BNC1: variants seen among roughly 807,000 people sequenced by gnomAD.
BNC1 encodes zinc finger protein basonuclin-1.
In BNC1, 8 loss-of-function variants were observed where a neutral mutation model predicts 66.5. The observed-to-expected ratio is 0.12, with a 90% CI of 0.07 to 0.22. The LOEUF is 0.22. BNC1 is among the 10% of genes least tolerant of loss of function. The probability of loss-of-function intolerance (pLI) is 1.00; values close to 1 mark genes in which losing one functional copy is unlikely to be tolerated. For synonymous variants in BNC1, 454 were observed against 452.6 expected (o/e 1.00, Z -0.04); for missense variants, 1,069 against 1,241.3 (o/e 0.86, Z 2.09).
In BNC1 at chr15:83,263,527, T is replaced by A. The variant is rs192538302; in HGVS notation, c.1724A>T (p.Asp575Val). The stretch of plus-strand genomic sequence containing the variant: ...CTGAGGACTGCAGGCCTCCTGCTCA[T>A]CTTCACTGACCACCTGTAGGGGCAT... ...EDMPLQVVSE[D>V]EQEACSPQSH... is the part of the protein sequence containing the mutation. Residue 575 changes from aspartate (D) to valine (V), a missense_variant, in exon 4 of 5, where the codon GAT (aspartate) becomes GTT (valine). Transcript: ENST00000345382. 4.5e-5 allele frequency: 72 copies of A among 1,614,272 alleles called. No homozygotes were observed. In the East Asian group the frequency reaches 1.5e-3, roughly 34 times the overall value.
At chr15:83,282,055 G>A (rs546891472) in intron 1 of BNC1, among the ~76,000 whole-genome samples, 4 of 152,310 alleles carry the variant, frequency 2.6e-5, no homozygotes, top group Non-Finnish European at 4.4e-5. Flanking sequence ...GGTATCAATG[G>A]CCAAAGAACT....
Position 83,284,612 on chromosome 15 carries a change from G to C in BNC1, c.17C>G (p.Pro6Arg), listed in dbSNP as rs1459899660. The change falls in exon 1 of 5, where the codon CCG (proline) becomes CGG (arginine). Residue 6 changes from proline (P) to arginine (R), a missense_variant. By Grantham distance (103) the Pro-to-Arg change is moderately radical (BLOSUM62 -2). Transcript: ENST00000345382. MRRRPPSRGGRGAARA... is the reference protein window; with the variant it reads MRRRPRSRGGRGAARA... ...GGCCGCCCCGCGTCCGCCCCGGCTC[G>C]GCGGGCGCCGCCGCATCCACGCTCC... The C allele has an allele frequency of 1.0e-6, 1 of 1,002,174 alleles. No homozygotes were observed. Among genetic ancestry groups the C allele is most frequent in the South Asian group, 4.5e-5 (1 of 22,208 alleles). 62.1% of individuals were successfully genotyped at this position (1,002,174 alleles called of 1,614,324 possible).
rs1371564912 is a variant in BNC1, at chr15:83,263,503, T to C, written c.1748A>G (p.Gln583Arg). ...SEDEQEACSPQSHRVSEEQHV... is the reference protein window; with the variant it reads ...SEDEQEACSPRSHRVSEEQHV... Reference sequence around the variant, plus strand: ...CTGCTCCTCAGATACTCTGTGTGACTGAGGACTGCAGGCCTCCTGCTCATC... The same window carrying C: ...CTGCTCCTCAGATACTCTGTGTGACCGAGGACTGCAGGCCTCCTGCTCATC... Residue 583 changes from glutamine to arginine, a missense_variant, in exon 4 of 5, where the codon CAG becomes CGG. Physicochemically the swap from Gln to Arg is conservative, Grantham distance 43 (BLOSUM62 1). Around this residue, in one of 7 missense-constraint regions of BNC1, gnomAD observed 657 missense variants for 715.8 expected, o/e 0.92. Coordinates refer to ENST00000345382, the MANE Select transcript of BNC1 (RefSeq NM_001717.4). The C allele has an allele frequency of 6.2e-7, 1 of 1,614,156 alleles. No individual in the cohort carries two copies. Among genetic ancestry groups the C allele is most frequent in the African/African-American group, 1.3e-5 (1 of 74,952 alleles).
chr15:83,260,856 G>A (rs750734025), intron 4 of BNC1, among the ~76,000 whole-genome samples: 1 of 152,184 alleles, frequency 6.6e-6, no homozygotes, highest in Non-Finnish European at 1.5e-5. Flanking sequence ...GTCTGGGCCT[G>A]CCCACAAAGT....
intron 4 of BNC1, among the ~76,000 whole-genome samples, chr15:83,261,543 A>G (rs2038140355): frequency 1.3e-5 from 2 of 152,330 alleles, no homozygotes; most frequent in South Asian, 4.1e-4. Context: ...GATCTTTTCC[A>G]TAAGCCTCCT....
At chr15:83,259,532 C>T (rs546294544) in intron 4 of BNC1, among the ~76,000 whole-genome samples, 1 of 152,192 alleles carries the variant, frequency 6.6e-6, no homozygotes, top group African/African-American at 2.4e-5. Flanking sequence ...ACCCACTTTG[C>T]AAGCAGCCCT....
chr15:83,278,084 C>T (rs1284533659), intron 1 of BNC1, among the ~76,000 whole-genome samples: 2 of 152,060 alleles, frequency 1.3e-5, no homozygotes, highest in East Asian at 1.9e-4. Flanking sequence ...TAAGGACAAC[C>T]GGGAAGAAGA....
At chr15:83,278,488 T>C (rs1595942803) in intron 1 of BNC1, among the ~76,000 whole-genome samples, 1 of 152,200 alleles carries the variant, frequency 6.6e-6, no homozygotes, top group Non-Finnish European at 1.5e-5. Context: ...ATTCAAAATA[T>C]ACTCAAAACA....
At chr15:83,279,989 T>G (rs2038362401) in intron 1 of BNC1, among the ~76,000 whole-genome samples, 1 of 152,226 alleles carries the variant, frequency 6.6e-6, no homozygotes, top group Non-Finnish European at 1.5e-5. Context: ...ACATTTGTAG[T>G]GTTCTCTAGC....
intron 1 of BNC1, among the ~76,000 whole-genome samples, chr15:83,271,952 A>G (rs576767922): frequency 6.6e-6 from 1 of 152,352 alleles, no homozygotes; most frequent in Non-Finnish European, 1.5e-5. Flanking sequence ...TACATTACAC[A>G]CTGTCAAAAC....
intron 1 of BNC1, among the ~76,000 whole-genome samples, chr15:83,281,410 C>A (rs954902249): frequency 6.6e-6 from 1 of 152,102 alleles, no homozygotes; most frequent in Non-Finnish European, 1.5e-5. Context: ...GTACCAACTC[C>A]CTAAAATCTT....
At chr15:83,270,465 T>C (rs2038259126) in intron 1 of BNC1, among the ~76,000 whole-genome samples, 1 of 152,202 alleles carries the variant, frequency 6.6e-6, no homozygotes, top group Admixed American at 6.5e-5. Flanking sequence ...GTATGAGGGT[T>C]CCAATTTCTC....
chr15:83,283,374 G>A (rs2038403645), intron 1 of BNC1: 1 of 1,377,926 alleles, frequency 7.3e-7, no homozygotes, highest in Non-Finnish European at 9.4e-7. Flanking sequence ...GAGGAGCAGC[G>A]GGAGACCCCG....
chr15:83,273,483 T>G (rs1279918377), intron 1 of BNC1, among the ~76,000 whole-genome samples: 4 of 152,260 alleles, frequency 2.6e-5, no homozygotes, highest in Non-Finnish European at 4.4e-5. Context: ...TACAACATTC[T>G]GAACTCATCA....
At chr15:83,280,557 A>G (rs2038367636) in intron 1 of BNC1, among the ~76,000 whole-genome samples, 1 of 152,244 alleles carries the variant, frequency 6.6e-6, no homozygotes, top group East Asian at 1.9e-4. Flanking sequence ...AGTTTTTAAA[A>G]AGAAAAGATC....
chr15:83,264,697 A>G lies in BNC1; in HGVS notation c.554T>C (p.Ile185Thr), dbSNP rs778557235. Residue 185 changes from isoleucine (I) to threonine (T), a missense_variant, in exon 4 of 5, where the codon ATT becomes ACT. Around this residue, in one of 7 missense-constraint regions of BNC1, gnomAD observed 181 missense variants for 181.5 expected, o/e 1.00. Coordinates refer to ENST00000345382, the MANE Select transcript of BNC1 (RefSeq NM_001717.4). ...ETKSIVELMAIQEKEEQSIII... is the reference protein window; with the variant it reads ...ETKSIVELMATQEKEEQSIII... ...GATGGATTGCTCTTCTTTCTCTTGA[A>G]TTGCCATGAGTTCAACTATAGATTT... The G allele has an allele frequency of 1.9e-5, 31 of 1,614,002 alleles. No homozygotes were observed. The highest frequency in any genetic ancestry group is 2.5e-5 in the Non-Finnish European group (30 of 1,180,020).
At chr15:83,283,600 C>T (rs890931223) in intron 1 of BNC1, 1 of 813,546 alleles carries the variant, frequency 1.2e-6, no homozygotes, top group African/African-American at 1.9e-5. Context: ...AAGCGGCAGG[C>T]GCAGCCGCGG....
intron 4 of BNC1, among the ~76,000 whole-genome samples, chr15:83,259,009 T>C (rs1292671534): frequency 2.6e-5 from 4 of 152,220 alleles, no homozygotes; most frequent in Non-Finnish European, 5.9e-5. Flanking sequence ...TAGAATTGTG[T>C]GTGTATGTAG....
chr15:83,283,319 C>A, intron 1 of BNC1: 1 of 1,482,250 alleles, frequency 6.7e-7, no homozygotes. Context: ...GGAACTCCGG[C>A]AAAGCCAGGC....
Sources: gnomAD v4.1 joint callset for allele counts (sites outside exome capture counted in the v4.1 genomes callset) on GRCh38, gnomAD v4.1.1 for gene constraint, gnomAD v4.1.1 regional missense constraint, MANE v1.5 for transcripts, NCBI Gene and HGNC (gene_info 2026-07-23, HGNC 2026-07-21) for gene names.